Variants in LRRC37A2 observed in about 807,000 individuals in gnomAD.
LRRC37A2 encodes leucine rich repeat containing 37 member A2, also known as leucine-rich repeat-containing protein 37A2.
In LRRC37A2, 9 loss-of-function variants were observed where a neutral mutation model predicts 68.8. That is an observed-to-expected ratio of 0.13 (90% CI 0.08 to 0.23). The LOEUF is 0.23. LRRC37A2 is among the 10% of genes least tolerant of loss of function. The pLI, the probability that LRRC37A2 is intolerant of heterozygous loss-of-function variation, is 1.00. For missense variants in LRRC37A2, 168 were observed against 950.4 expected, an observed-to-expected ratio of 0.18 and a Z score of 10.82; for synonymous variants, 63 against 367.6, an observed-to-expected ratio of 0.17 and a Z score of 9.48.
At chr17:46,987,847 C>T in the LRRC37A2 span, among the ~76,000 whole-genome samples, 3 of 152,204 alleles carry the variant, frequency 2.0e-5, no homozygotes, top group Non-Finnish European at 4.4e-5. Context: ...TATACTTACA[C>T]ATACTTTAAT....
the LRRC37A2 span, among the ~76,000 whole-genome samples, chr17:46,895,763 A>T: frequency 6.6e-6 from 1 of 152,206 alleles, no homozygotes. Context: ...GTGCTGGTAC[A>T]TGGTGGGTGC....
At chr17:47,003,265 A>T in the LRRC37A2 span, among the ~76,000 whole-genome samples, 2 of 137,986 alleles carry the variant, frequency 1.4e-5, no homozygotes, top group Non-Finnish European at 3.1e-5. Flanking sequence ...AAAAAAAAAA[A>T]GCTCAGCCAT....
chr17:47,033,075 G>A, the LRRC37A2 span, among the ~76,000 whole-genome samples: 16,847 of 151,410 alleles, frequency 0.11, 788 homozygotes, highest in South Asian at 0.22. Context: ...AAATTAACCA[G>A]GCATGGGGAC....
chr17:46,925,017 T>G, the LRRC37A2 span, among the ~76,000 whole-genome samples: 1 of 152,206 alleles, frequency 6.6e-6, no homozygotes, highest in African/African-American at 2.4e-5. Context: ...CAGAGAAAAC[T>G]GCATGGCTCA....
chr17:46,992,058 C>T, the LRRC37A2 span, among the ~76,000 whole-genome samples: 1 of 152,284 alleles, frequency 6.6e-6, no homozygotes, highest in East Asian at 1.9e-4. Flanking sequence ...GAATGCAAGG[C>T]CCTTGTTGAA....
chr17:47,040,086 T>C, the LRRC37A2 span, among the ~76,000 whole-genome samples: 2 of 151,920 alleles, frequency 1.3e-5, no homozygotes, highest in Non-Finnish European at 2.9e-5. Flanking sequence ...CCTTTAGTTC[T>C]CTAGTCTACA....
chr17:46,934,503 CAG>C, the LRRC37A2 span, among the ~76,000 whole-genome samples: 1 of 152,132 alleles, frequency 6.6e-6, no homozygotes, highest in Non-Finnish European at 1.5e-5. Flanking sequence ...CCCTGGGTGA[CAG>C]AGGGAAACCC....
chr17:46,764,778 G>GGGCCT, the LRRC37A2 span, among the ~76,000 whole-genome samples: 1 of 152,254 alleles, frequency 6.6e-6, no homozygotes, highest in African/African-American at 2.4e-5. Flanking sequence ...TCTCCTCTGT[G>GGGCCT]CTTTGGGCCT....
chr17:46,723,330 A>T, the LRRC37A2 span, among the ~76,000 whole-genome samples: 5 of 152,214 alleles, frequency 3.3e-5, no homozygotes. Context: ...TGTTTTGAAA[A>T]GCAAAGCATT....
chr17:46,765,770 C>T, the LRRC37A2 span, among the ~76,000 whole-genome samples: 20,393 of 152,310 alleles, frequency 0.13, 1,868 homozygotes, highest in Non-Finnish European at 0.2. Flanking sequence ...GCCCTGTGAG[C>T]AGCTGGGTCC....
chr17:46,745,726 A>G, the LRRC37A2 span, among the ~76,000 whole-genome samples: 15 of 152,328 alleles, frequency 9.8e-5, no homozygotes, highest in African/African-American at 3.4e-4. Context: ...CATACTGAGG[A>G]TGTATCAGCA....
the LRRC37A2 span, among the ~76,000 whole-genome samples, chr17:46,721,407 T>C: frequency 6.6e-6 from 1 of 152,224 alleles, no homozygotes; most frequent in East Asian, 1.9e-4. Flanking sequence ...TCTTCAGTTC[T>C]TCCTGTTTTT....
the LRRC37A2 span, among the ~76,000 whole-genome samples, chr17:46,842,370 C>A: frequency 6.6e-6 from 1 of 152,032 alleles, no homozygotes; most frequent in Non-Finnish European, 1.5e-5. Flanking sequence ...AGCTTTAAAT[C>A]TTTATTTATT....
chr17:46,635,765 A>G, the LRRC37A2 span, among the ~76,000 whole-genome samples: 1 of 94,292 alleles, frequency 1.1e-5, no homozygotes, highest in Non-Finnish European at 2.4e-5. Flanking sequence ...AGGGAACCTA[A>G]AGGGAAAATA....
chr17:46,785,991 C>A, the LRRC37A2 span, among the ~76,000 whole-genome samples: 3 of 152,324 alleles, frequency 2.0e-5, no homozygotes, highest in Non-Finnish European at 4.4e-5. Context: ...AATGTTGAAA[C>A]CTGTAAAATG....
the LRRC37A2 span, chr17:46,756,654 A>G: frequency 2.0e-5 from 3 of 152,654 alleles, no homozygotes; most frequent in African/African-American, 7.2e-5. Context: ...TCCAACTCCA[A>G]GTGGGTCAAT....
chr17:47,023,697 C>T, the LRRC37A2 span, among the ~76,000 whole-genome samples: 4 of 152,072 alleles, frequency 2.6e-5, no homozygotes, highest in Non-Finnish European at 4.4e-5. Flanking sequence ...CGGGTTCAAG[C>T]GATTCTCCTG....
chr17:46,544,726 T>C (rs367662344), intron 8 of LRRC37A2, among the ~76,000 whole-genome samples: 12,368 of 84,058 alleles, frequency 0.15, no homozygotes, highest in Non-Finnish European at 0.19. Flanking sequence ...TTTATCTCTC[T>C]GAAAGTGCCC....
chr17:46,859,757 C>T, the LRRC37A2 span, among the ~76,000 whole-genome samples: 1,714 of 152,238 alleles, frequency 0.011, 16 homozygotes, highest in Admixed American at 0.023. Flanking sequence ...ACTGGGATTG[C>T]ATTGAATCTA....
Sources: allele counts gnomAD v4.1 joint callset (sites outside exome capture counted in the v4.1 genomes callset), GRCh38; gene constraint gnomAD v4.1.1; transcripts MANE v1.5; gene names NCBI Gene and HGNC (gene_info 2026-07-23, HGNC 2026-07-21).